CCDC91: variants seen among roughly 807,000 people sequenced by gnomAD.
CCDC91 encodes the protein coiled-coil domain containing 91, also known as coiled-coil domain-containing protein 91.
In CCDC91, 48 loss-of-function variants were observed where a neutral mutation model predicts 63.2. That is an observed-to-expected ratio of 0.76 (90% CI 0.60 to 0.97). The LOEUF (loss-of-function observed/expected upper bound fraction) is 0.97. Ranked by LOEUF, CCDC91 falls within the 50% of genes least tolerant of loss-of-function variation. The pLI is 0.00. For missense variants in CCDC91, 500 were observed against 494.6 expected (o/e 1.01, Z -0.10); for synonymous variants, 167 against 165.8 (o/e 1.01, Z -0.06).
At chr12:28,484,216 T>A in intron 12 of CCDC91, 51 bp downstream of exon 12, 1 of 961,976 alleles carries the variant, frequency 1.0e-6, no homozygotes, top group Non-Finnish European at 1.6e-6. Flanking sequence ...ACTGAATCAG[T>A]GACTTCCATA....
At chr12:28,308,382 T>C (rs1005719449) in intron 6 of CCDC91, among the ~76,000 whole-genome samples, 8 of 152,042 alleles carry the variant, frequency 5.3e-5, no homozygotes, top group Non-Finnish European at 1.0e-4. Context: ...AACTAGTCTT[T>C]TGTTTTTGTC....
intron 3 of CCDC91, among the ~76,000 whole-genome samples, chr12:28,297,676 G>A (rs1276718123): frequency 1.3e-5 from 2 of 151,782 alleles, no homozygotes; most frequent in Admixed American, 6.6e-5. Flanking sequence ...TGTGGAAGTA[G>A]GTGTTGTTGG....
intron 6 of CCDC91, among the ~76,000 whole-genome samples, chr12:28,354,229 A>G (rs1354160497): frequency 6.6e-6 from 1 of 152,064 alleles, no homozygotes; most frequent in African/African-American, 2.4e-5. Context: ...ATATTTCTTT[A>G]CGTCTTCCGG....
chr12:28,444,292 G>A (rs184969466), intron 8 of CCDC91, among the ~76,000 whole-genome samples: 4 of 152,184 alleles, frequency 2.6e-5, no homozygotes, highest in Non-Finnish European at 4.4e-5. Flanking sequence ...GCATAGTTAC[G>A]ATAATTTAGA....
At chr12:28,467,547 C>T (rs1411283790) in intron 11 of CCDC91, among the ~76,000 whole-genome samples, 2 of 151,920 alleles carry the variant, frequency 1.3e-5, no homozygotes, top group African/African-American at 2.4e-5. Flanking sequence ...GTATTGGACA[C>T]ATCTTCCACA....
chr12:28,223,624 T>C (rs1203126127), intron 1 of CCDC91, among the ~76,000 whole-genome samples: 1 of 152,242 alleles, frequency 6.6e-6, no homozygotes, highest in Non-Finnish European at 1.5e-5. Flanking sequence ...TCTGATGTAA[T>C]ATCTCACTAG....
chr12:28,470,570 C>T (rs1318800287), intron 11 of CCDC91, among the ~76,000 whole-genome samples: 1 of 152,082 alleles, frequency 6.6e-6, no homozygotes, highest in Non-Finnish European at 1.5e-5. Flanking sequence ...AGGATCCAGC[C>T]ATCCCACTCC....
intron 8 of CCDC91, among the ~76,000 whole-genome samples, chr12:28,433,293 G>A (rs1176318819): frequency 7.2e-5 from 11 of 151,808 alleles, no homozygotes; most frequent in African/African-American, 2.7e-4. Context: ...AGTCATTGCT[G>A]TACTTAAGAT....
At chr12:28,269,901 C>G (rs1443153047) in intron 3 of CCDC91, among the ~76,000 whole-genome samples, 1 of 151,910 alleles carries the variant, frequency 6.6e-6, no homozygotes, top group Admixed American at 6.6e-5. Context: ...TGTGCCTAAT[C>G]AAAGTTTTTT....
chr12:28,535,560 A>C (rs1358196708), intron 12 of CCDC91, among the ~76,000 whole-genome samples: 1 of 152,230 alleles, frequency 6.6e-6, no homozygotes, highest in Non-Finnish European at 1.5e-5. Flanking sequence ...TCCCAGTTGC[A>C]GTGTGCACTT....
At chr12:28,195,635 G>A (rs1941703530) in intron 1 of CCDC91, among the ~76,000 whole-genome samples, 1 of 152,080 alleles carries the variant, frequency 6.6e-6, no homozygotes, top group Non-Finnish European at 1.5e-5. Flanking sequence ...CAACTTTGTT[G>A]TTGTTTGCCA....
intron 3 of CCDC91, among the ~76,000 whole-genome samples, chr12:28,264,597 G>A (rs1429411136): frequency 1.3e-5 from 2 of 149,452 alleles, no homozygotes; most frequent in African/African-American, 2.5e-5. Flanking sequence ...GTGTGTGTGT[G>A]TGTGTGTGTG....
chr12:28,517,307 A>C (rs1356274408), intron 12 of CCDC91, among the ~76,000 whole-genome samples: 1 of 151,998 alleles, frequency 6.6e-6, no homozygotes, highest in Non-Finnish European at 1.5e-5. Context: ...TGTGGTGGGC[A>C]AGCCTGAGAT....
At chr12:28,502,406 C>T (rs1055921654) in intron 12 of CCDC91, among the ~76,000 whole-genome samples, 1 of 151,786 alleles carries the variant, frequency 6.6e-6, no homozygotes, top group African/African-American at 2.4e-5. Context: ...AGGAGAACTA[C>T]AAAGCACTGC....
In CCDC91 at chr12:28,406,323, G is replaced by A. The variant is rs1946943064; in HGVS notation, c.762+14912G>A. ...TCAATTTTTGAGAAAGTCGTTATTA[G>A]TGTACAAGTCTTTGTATGGACTCAT... On this transcript the variant is annotated intron_variant, in intron 8 of 12. Transcript: ENST00000536442. Among the ~76,000 whole-genome samples the A allele has an allele frequency of 1.3e-5, 2 of 151,514 alleles. 1 individual carries two copies. Among genetic ancestry groups the A allele is most frequent in the African/African-American group, 4.8e-5 (2 of 41,280 alleles).
chr12:28,453,375 CTG>C (rs1949908868), intron 11 of CCDC91, among the ~76,000 whole-genome samples: 1 of 151,922 alleles, frequency 6.6e-6, no homozygotes, highest in Non-Finnish European at 1.5e-5. Flanking sequence ...CATGTTCAAA[CTG>C]TTAAATATAC....
At chr12:28,201,628 C>T (rs9860064) in intron 1 of CCDC91, among the ~76,000 whole-genome samples, 5 of 146,776 alleles carry the variant, frequency 3.4e-5, no homozygotes, top group East Asian at 3.9e-4. Flanking sequence ...GACGGGGTGG[C>T]GGCCGGGCAG....
intron 6 of CCDC91, among the ~76,000 whole-genome samples, chr12:28,358,844 A>T (rs1174582347): frequency 1.3e-5 from 2 of 152,222 alleles, no homozygotes; most frequent in Admixed American, 6.5e-5. Flanking sequence ...GCACAGCAGC[A>T]AATAGCAAGT....
At chr12:28,377,366 A>G (rs1945013676) in intron 7 of CCDC91, among the ~76,000 whole-genome samples, 1 of 151,848 alleles carries the variant, frequency 6.6e-6, no homozygotes, top group Non-Finnish European at 1.5e-5. Flanking sequence ...GTGTTGAAAC[A>G]TTATCGAATT....
Sources: gnomAD v4.1 joint callset for allele counts (sites outside exome capture counted in the v4.1 genomes callset) on GRCh38, gnomAD v4.1.1 for gene constraint, MANE v1.5 for transcripts, NCBI Gene and HGNC (gene_info 2026-07-23, HGNC 2026-07-21) for gene names.